Variants in LAMA2 observed in about 807,000 individuals in gnomAD.
The protein encoded by LAMA2 is laminin subunit alpha 2, also known as laminin subunit alpha-2.
In LAMA2, 269 loss-of-function variants were observed where a neutral mutation model predicts 364.8. The ratio of observed to expected loss-of-function variants is 0.74; its 90% CI spans 0.67 to 0.82. The LOEUF is 0.82. Ranked by LOEUF, LAMA2 falls within the 40% of genes least tolerant of loss-of-function variation. The pLI is 0.00. For synonymous variants in LAMA2, 1,379 were observed against 1,370.6 expected (o/e 1.01, Z -0.14); for missense variants, 3,807 against 3,873.2 (o/e 0.98, Z 0.45).
rs1279670783 is a variant in LAMA2 at position 129,342,350 on chromosome 6, A to G, written c.4319A>G (p.Gln1440Arg). The G allele has an allele frequency of 2.6e-5, 42 of 1,613,120 alleles. No homozygotes were observed. The highest frequency in any genetic ancestry group is 3.6e-5 in the Non-Finnish European group (42 of 1,179,234). The change falls in exon 30 of 65, where the codon CAA becomes CGA. Residue 1440 changes from glutamine to arginine, a missense_variant. By Grantham distance (43) the Gln-to-Arg change is conservative. Around this residue, in one of 3 missense-constraint regions of LAMA2, gnomAD observed 3,333 missense variants for 3,345.7 expected, o/e 1.00. Transcript: ENST00000421865. ...CTCCCTTTTCCTTTACAGAATTGTC[A>G]ACATCACACTGCTGGTGACTTCTGT... The part of the protein sequence containing the change: ...DPETSICQNC[Q>R]HHTAGDFCER...
chr6:129,505,534 A>C (rs1486010319), intron 61 of LAMA2, among the ~76,000 whole-genome samples, 179 bp downstream of exon 61: 2 of 152,026 alleles, frequency 1.3e-5, no homozygotes, highest in Non-Finnish European at 2.9e-5. Context: ...TTTGAGACAG[A>C]GTCTCGCTCT....
intron 53 of LAMA2, among the ~76,000 whole-genome samples, chr6:129,476,836 G>A (rs1428867018): frequency 6.6e-6 from 1 of 152,062 alleles, no homozygotes; most frequent in Non-Finnish European, 1.5e-5. Flanking sequence ...GAAAACCTTG[G>A]GAACAAGGAA....
chr6:129,401,440 G>A (rs554694510), intron 38 of LAMA2, 100 bp downstream of exon 38: 236 of 810,550 alleles, frequency 2.9e-4, no homozygotes, highest in Non-Finnish European at 4.7e-4. Flanking sequence ...TTGTTTTCTT[G>A]TGGAGATAAA....
At chr6:129,031,660 C>T (rs571940864) in intron 1 of LAMA2, among the ~76,000 whole-genome samples, 5 of 152,254 alleles carry the variant, frequency 3.3e-5, no homozygotes, top group Admixed American at 3.3e-4. Context: ...TATTTCTGGG[C>T]TTCCAAGTCA....
intron 58 of LAMA2, among the ~76,000 whole-genome samples, chr6:129,496,308 G>T (rs575842887): frequency 6.6e-6 from 1 of 151,834 alleles, no homozygotes; most frequent in Non-Finnish European, 1.5e-5. Flanking sequence ...CTGGGATTAC[G>T]GGCATGCACC....
intron 3 of LAMA2, among the ~76,000 whole-genome samples, chr6:129,069,810 T>G (rs1773188985): frequency 6.8e-6 from 1 of 147,904 alleles, no homozygotes; most frequent in Non-Finnish European, 1.5e-5. Context: ...AATAAAAATG[T>G]GATAAATAAT....
intron 29 of LAMA2, among the ~76,000 whole-genome samples, chr6:129,333,231 A>G (rs1775762779): frequency 6.6e-6 from 1 of 152,016 alleles, no homozygotes; most frequent in Non-Finnish European, 1.5e-5. Flanking sequence ...TTGTGCTTTC[A>G]CTTGTCAAAA....
At chr6:129,182,754 G>C (rs1781004671) in intron 10 of LAMA2, among the ~76,000 whole-genome samples, 1 of 151,532 alleles carries the variant, frequency 6.6e-6, no homozygotes, top group South Asian at 2.1e-4. Context: ...AAACAGGAAA[G>C]GGAATAAAAC....
intron 21 of LAMA2, 71 bp from the exon 22 acceptor site, chr6:129,300,665 A>G (rs1773490610): frequency 6.7e-7 from 1 of 1,499,586 alleles, no homozygotes; most frequent in Non-Finnish European, 9.3e-7. Flanking sequence ...AACACAATAT[A>G]AAACTCAACA....
chr6:128,924,681 C>T (rs1358590923), intron 1 of LAMA2, among the ~76,000 whole-genome samples: 2 of 152,174 alleles, frequency 1.3e-5, no homozygotes, highest in Non-Finnish European at 2.9e-5. Context: ...CCCCCGTCTT[C>T]CCTGCTGGAT....
At chr6:129,338,502 A>T (rs1776079033) in intron 29 of LAMA2, among the ~76,000 whole-genome samples, 2 of 152,182 alleles carry the variant, frequency 1.3e-5, no homozygotes. Context: ...GGATGGTTGA[A>T]TAAAAGAGGA....
intron 56 of LAMA2, among the ~76,000 whole-genome samples, chr6:129,489,984 T>C (rs1437439205): frequency 3.3e-5 from 5 of 151,976 alleles, no homozygotes; most frequent in Non-Finnish European, 7.4e-5. Flanking sequence ...CAAAGTTTAA[T>C]GTACCTTTTT....
chr6:129,236,184 A>G (rs1353178325), intron 12 of LAMA2, among the ~76,000 whole-genome samples: 1 of 152,082 alleles, frequency 6.6e-6, no homozygotes, highest in African/African-American at 2.4e-5. Context: ...TAAAATGAGC[A>G]AGAAAATTTT....
intron 3 of LAMA2, among the ~76,000 whole-genome samples, chr6:129,066,038 G>GTTTTTTTTTTTTTTTTTTTTTTTTTTT (rs544271722): frequency 5.4e-5 from 2 of 37,116 alleles, no homozygotes; most frequent in African/African-American, 1.7e-4. Context: ...CCAGTCTCAG[G>GTTTTTTTTTTTTTTTTTTTTTTTTTTT]TTTTTTTTTT....
At chr6:129,306,698 A>C (rs945272628) in intron 22 of LAMA2, among the ~76,000 whole-genome samples, 1 of 151,792 alleles carries the variant, frequency 6.6e-6, no homozygotes, top group Non-Finnish European at 1.5e-5. Flanking sequence ...TCTATTGTTA[A>C]GTGTCCAAAG....
At chr6:129,507,770 T>G (rs557473290) in intron 62 of LAMA2, 128 bp downstream of exon 62, 1 of 926,774 alleles carries the variant, frequency 1.1e-6, no homozygotes, top group Admixed American at 2.0e-5. Context: ...AAAAAGAAAC[T>G]TATGGAAGTA....
chr6:129,363,725 G>T (rs1394473556), intron 32 of LAMA2, among the ~76,000 whole-genome samples: 1 of 152,126 alleles, frequency 6.6e-6, no homozygotes, highest in African/African-American at 2.4e-5. Context: ...AAATACTAGG[G>T]GGTGTGGACC....
chr6:129,283,388 C>T lies in LAMA2; in HGVS notation c.2537+3241C>T, dbSNP rs1788872478. Among the ~76,000 whole-genome samples, 10 of 151,926 alleles carry T rather than the reference C, an allele frequency of 6.6e-5. No individual in the cohort carries two copies. The South Asian group carries it at 2.1e-3, about 32-fold the overall frequency. ...GTTACTTTCAGAATAAGTTTGTAAC[C>T]TCAGCAACATGTCATACATTATGGA... is the stretch of plus-strand genomic sequence containing the variant. On this transcript the variant is annotated intron_variant, in intron 18 of 64. Transcript: ENST00000421865.
intron 17 of LAMA2, among the ~76,000 whole-genome samples, chr6:129,272,619 G>C (rs1788018926): frequency 6.6e-6 from 1 of 152,078 alleles, no homozygotes; most frequent in Non-Finnish European, 1.5e-5. Flanking sequence ...TTAATTCATT[G>C]GATAAGTCAA....
Sources: gnomAD v4.1 joint callset for allele counts (sites outside exome capture counted in the v4.1 genomes callset) on GRCh38, gnomAD v4.1.1 for gene constraint, gnomAD v4.1.1 regional missense constraint, MANE v1.5 for transcripts, NCBI Gene and HGNC (gene_info 2026-07-23, HGNC 2026-07-21) for gene names.